The following CATSPER3 variants were observed in gnomAD, a reference collection of about 807,000 sequenced individuals.
CATSPER3 encodes cation channel sperm-associated protein 3.
Under a neutral mutation model 36.6 loss-of-function variants are expected in CATSPER3, and 23 were observed. The observed-to-expected ratio is 0.63, with a 90% CI of 0.45 to 0.89. CATSPER3 has a LOEUF of 0.89. CATSPER3 is among the 40% of genes least tolerant of loss of function. The pLI is 0.00. For missense variants in CATSPER3, 474 were observed against 503.9 expected (o/e 0.94, Z 0.57); for synonymous variants, 172 against 184.1 (o/e 0.93, Z 0.53).
chr5:134,970,271 T>G (rs1344210970), intron 2 of CATSPER3, among the ~76,000 whole-genome samples, 179 bp downstream of exon 2: 2 of 152,024 alleles, frequency 1.3e-5, no homozygotes, highest in East Asian at 3.9e-4. Flanking sequence ...AAGCGATTCC[T>G]CTGCCTTAGC....
At chr5:135,000,831 C>T (rs939768017) in intron 3 of CATSPER3, among the ~76,000 whole-genome samples, 2 of 152,046 alleles carry the variant, frequency 1.3e-5, no homozygotes, top group African/African-American at 4.8e-5. Flanking sequence ...ATTAGTCTTG[C>T]TAGTGGTCTA....
chr5:134,994,412 A>G (rs1751919019), intron 2 of CATSPER3, among the ~76,000 whole-genome samples: 1 of 152,240 alleles, frequency 6.6e-6, no homozygotes, highest in Non-Finnish European at 1.5e-5. Context: ...CTGATAGTCA[A>G]AGTGTTAGCA....
chr5:134,991,600 A>G lies in CATSPER3; in HGVS notation c.253-4673A>G, dbSNP rs79084223. Among the ~76,000 whole-genome samples, 17 of 152,314 alleles carry G rather than the reference A, an allele frequency of 1.1e-4. No individual in the cohort carries two copies. In the East Asian group the frequency reaches 3.3e-3, roughly 29 times the overall value. On this transcript the variant is annotated intron_variant, in intron 2 of 7. Coordinates refer to ENST00000282611, the MANE Select transcript of CATSPER3 (RefSeq NM_178019.3). Reference sequence around the variant, plus strand: ...TGGACAACTTGGTATTCACATGCAAAAGACTGAAGTTTGACACCTACCTCA... The same window carrying G: ...TGGACAACTTGGTATTCACATGCAAGAGACTGAAGTTTGACACCTACCTCA...
At chr5:134,970,953 C>T (rs940194332) in intron 2 of CATSPER3, among the ~76,000 whole-genome samples, 1 of 150,920 alleles carries the variant, frequency 6.6e-6, no homozygotes, top group Non-Finnish European at 1.5e-5. Flanking sequence ...TCCTATCTCT[C>T]TTTTTTTTTG....
intron 2 of CATSPER3, among the ~76,000 whole-genome samples, chr5:134,989,191 C>G (rs988762177): frequency 3.3e-5 from 5 of 152,056 alleles, no homozygotes; most frequent in Non-Finnish European, 5.9e-5. Context: ...TATTCCATTT[C>G]TAGAGCACAG....
intron 2 of CATSPER3, among the ~76,000 whole-genome samples, chr5:134,972,353 C>T (rs1751618386): frequency 6.6e-6 from 1 of 152,010 alleles, no homozygotes; most frequent in Non-Finnish European, 1.5e-5. Context: ...GAAAGCCCAC[C>T]ACAAAGACAT....
intron 3 of CATSPER3, among the ~76,000 whole-genome samples, chr5:135,007,665 G>A (rs1311705275): frequency 6.6e-6 from 1 of 152,226 alleles, no homozygotes; most frequent in Non-Finnish European, 1.5e-5. Flanking sequence ...CAAGTGGAGT[G>A]GTCACCTCAG....
At chr5:134,970,364 T>C (rs1418486137) in intron 2 of CATSPER3, among the ~76,000 whole-genome samples, 2 of 152,118 alleles carry the variant, frequency 1.3e-5, no homozygotes, top group Non-Finnish European at 2.9e-5. Flanking sequence ...TTTCACCTTC[T>C]TGGCCAGGAT....
chr5:134,980,596 A>G (rs955723041), intron 2 of CATSPER3, among the ~76,000 whole-genome samples: 6 of 151,344 alleles, frequency 4.0e-5, no homozygotes, highest in East Asian at 1.9e-4. Context: ...ACACCCAGCT[A>G]ATTTTTGTAT....
In CATSPER3 at chr5:135,008,892, T is replaced by C; in HGVS notation, c.727T>C (p.Leu243=). 2 of 1,614,134 alleles carry C rather than the reference T, an allele frequency of 1.2e-6. No homozygotes were observed. Among genetic ancestry groups the C allele is most frequent in the Non-Finnish European group, 1.7e-6 (2 of 1,180,028 alleles). ...QKQLDNREFA[L]SRAFTIIFIL... is the part of the protein sequence containing the mutation. Reference sequence around the variant, plus strand: ...GCAGTTGGACAATCGGGAATTTGCTTTGAGCCGGGCATTCACCATCATCTT... The same window carrying C: ...GCAGTTGGACAATCGGGAATTTGCTCTGAGCCGGGCATTCACCATCATCTT... Residue 243 remains leucine, a synonymous_variant, in exon 5 of 8, where the codon TTG becomes CTG. Transcript: ENST00000282611.
intron 2 of CATSPER3, among the ~76,000 whole-genome samples, chr5:134,993,442 G>A (rs1264685830): frequency 6.6e-6 from 1 of 152,064 alleles, no homozygotes; most frequent in Non-Finnish European, 1.5e-5. Flanking sequence ...CCTTAAAATG[G>A]TTAAAAATGA....
At chr5:134,994,754 T>C (rs984728632) in intron 2 of CATSPER3, among the ~76,000 whole-genome samples, 7 of 151,974 alleles carry the variant, frequency 4.6e-5, no homozygotes, top group Non-Finnish European at 8.8e-5. Flanking sequence ...GCTCTCTCTC[T>C]CTCTGTTCTA....
chr5:134,992,576 T>C (rs942383693), intron 2 of CATSPER3, among the ~76,000 whole-genome samples: 14 of 151,972 alleles, frequency 9.2e-5, no homozygotes, highest in African/African-American at 3.4e-4. Flanking sequence ...AATACAAAAA[T>C]TAGCCAGGTG....
At chr5:135,002,479 C>T (rs1383537255) in intron 3 of CATSPER3, among the ~76,000 whole-genome samples, 1 of 152,106 alleles carries the variant, frequency 6.6e-6, no homozygotes, top group Non-Finnish European at 1.5e-5. Context: ...TTGTGGTGTT[C>T]TCTGTATTTC....
intron 3 of CATSPER3, among the ~76,000 whole-genome samples, chr5:134,998,963 G>A (rs1382083720): frequency 2.0e-5 from 3 of 152,118 alleles, no homozygotes; most frequent in African/African-American, 4.8e-5. Flanking sequence ...CCTTGCTTTT[G>A]GTGTTTTAGA....
At chr5:134,987,255 A>G (rs886724645) in intron 2 of CATSPER3, among the ~76,000 whole-genome samples, 42 of 152,246 alleles carry the variant, frequency 2.8e-4, no homozygotes, top group African/African-American at 1.0e-3. Flanking sequence ...TAAATAATCT[A>G]GATGAAATGG....
chr5:135,011,475 C>G (rs1031613360), intron 7 of CATSPER3, 46 bp from the exon 8 acceptor site: 5 of 1,442,566 alleles, frequency 3.5e-6, no homozygotes, highest in Non-Finnish European at 4.8e-6. Flanking sequence ...GGTCCTGGAG[C>G]CTGCCTCTGA....
intron 3 of CATSPER3, among the ~76,000 whole-genome samples, chr5:135,001,926 T>A (rs1442168992): frequency 6.6e-6 from 1 of 152,180 alleles, no homozygotes; most frequent in Non-Finnish European, 1.5e-5. Context: ...AATTTGCCAG[T>A]CTGTGTCTTT....
chr5:134,996,171 G>C (rs1751942526), intron 2 of CATSPER3, 102 bp from the exon 3 acceptor site: 1 of 1,452,814 alleles, frequency 6.9e-7, no homozygotes, highest in Non-Finnish European at 9.6e-7. Flanking sequence ...TCTCATGTGG[G>C]TGACTTAGGA....
Sources: allele counts gnomAD v4.1 joint callset (sites outside exome capture counted in the v4.1 genomes callset), GRCh38; gene constraint gnomAD v4.1.1; transcripts MANE v1.5; gene names NCBI Gene and HGNC (gene_info 2026-07-23, HGNC 2026-07-21).